MAL: variants seen among roughly 807,000 people sequenced by gnomAD.
The protein encoded by MAL is myelin and lymphocyte protein.
MAL carries 5 observed loss-of-function variants against 16.7 expected under a neutral mutation model. That is an observed-to-expected ratio of 0.30 (90% CI 0.16 to 0.63). The LOEUF (loss-of-function observed/expected upper bound fraction) is 0.63. MAL is among the 30% of genes least tolerant of loss of function. The pLI is 0.82. For synonymous variants in MAL, 96 were observed against 85.5 expected, an observed-to-expected ratio of 1.12 and a Z score of -0.67; for missense variants, 202 against 195.8, an observed-to-expected ratio of 1.03 and a Z score of -0.19.
At chr2:95,028,286 G>T (rs886984956) in intron 1 of MAL, among the ~76,000 whole-genome samples, 6 of 151,826 alleles carry the variant, frequency 4.0e-5, no homozygotes, top group Non-Finnish European at 8.8e-5. Context: ...TCATGCCGCT[G>T]CACTCCAGCC....
intron 1 of MAL, among the ~76,000 whole-genome samples, chr2:95,031,023 GC>G: frequency 6.6e-6 from 1 of 152,196 alleles, no homozygotes. Flanking sequence ...GGTGGTCCAA[GC>G]TGTGGCTGCA....
intron 1 of MAL, among the ~76,000 whole-genome samples, chr2:95,035,000 CG>C (rs1462781532): frequency 6.6e-6 from 1 of 152,154 alleles, no homozygotes; most frequent in Non-Finnish European, 1.5e-5. Flanking sequence ...GGAAGGGGCT[CG>C]GGTCTCCTCT....
chr2:95,042,444 T>C (rs918086953), intron 1 of MAL, among the ~76,000 whole-genome samples: 1 of 152,174 alleles, frequency 6.6e-6, no homozygotes, highest in Admixed American at 6.5e-5. Flanking sequence ...CCAGGTGACT[T>C]AATGTATAGT....
rs577642227 is a variant in MAL at position 95,028,238 on chromosome 2, G to A, written c.93+2353G>A. On this transcript the variant is annotated intron_variant, in intron 1 of 3. Transcript: ENST00000309988. ...CTCAGCAGGCTAAGGCATGAGCATCGCTTGAACCTGGGAGGCAGAGGTTGC... is the reference window on the plus strand; with the variant it reads ...CTCAGCAGGCTAAGGCATGAGCATCACTTGAACCTGGGAGGCAGAGGTTGC... Among the ~76,000 whole-genome samples the A allele has an allele frequency of 2.5e-4, 37 of 151,006 alleles. No homozygotes were observed. In the East Asian group the frequency reaches 4.7e-3, roughly 19 times the overall value.
chr2:95,033,430 G>C (rs1421928985), intron 1 of MAL, among the ~76,000 whole-genome samples: 1 of 152,134 alleles, frequency 6.6e-6, no homozygotes, highest in African/African-American at 2.4e-5. Flanking sequence ...TGGCGGGCCA[G>C]GGAGGGAGAA....
chr2:95,053,298 C>A, intron 3 of MAL, 83 bp from the exon 4 acceptor site: 1 of 948,118 alleles, frequency 1.1e-6, no homozygotes. Flanking sequence ...CCCCCCTACG[C>A]CACGTGGGGC....
intron 1 of MAL, among the ~76,000 whole-genome samples, chr2:95,036,294 G>A (rs571193529): frequency 6.6e-6 from 1 of 152,216 alleles, no homozygotes; most frequent in Admixed American, 6.5e-5. Flanking sequence ...AGAGAATCTC[G>A]GACCCCTCCC....
chr2:95,047,033 A>AAG, intron 1 of MAL, among the ~76,000 whole-genome samples: 1 of 151,864 alleles, frequency 6.6e-6, no homozygotes. Flanking sequence ...AAATGAAGGA[A>AAG]AGAGAGAGAG....
In MAL at chr2:95,038,194, G is replaced by C. The variant is rs541396439; in HGVS notation, c.94-9765G>C. Among the ~76,000 whole-genome samples the C allele has an allele frequency of 2.1e-4, 29 of 139,228 alleles. 1 individual carries two copies. Among genetic ancestry groups the C allele is most frequent in the African/African-American group, 6.9e-4 (25 of 36,066 alleles). 91.3% of individuals were successfully genotyped at this position (139,228 alleles called of 152,430 possible). On this transcript the variant is annotated intron_variant, in intron 1 of 3. Transcript: ENST00000309988. The stretch of plus-strand genomic sequence containing the variant: ...TGACTGAGTGACTGTGTGAGTTACT[G>C]AGTGAGTGAGTGAGTGACTCAGTGA...
chr2:95,046,558 G>A (rs367571008), intron 1 of MAL, among the ~76,000 whole-genome samples: 3 of 152,208 alleles, frequency 2.0e-5, no homozygotes, highest in Admixed American at 6.5e-5. Flanking sequence ...CATCCACGGC[G>A]AGGAGCGGGG....
intron 1 of MAL, among the ~76,000 whole-genome samples, chr2:95,029,816 T>G (rs2104328164): frequency 6.6e-6 from 1 of 152,336 alleles, no homozygotes; most frequent in African/African-American, 2.4e-5. Context: ...ATGGTCCTCC[T>G]GATTGTTTAA....
intron 1 of MAL, among the ~76,000 whole-genome samples, chr2:95,032,626 C>T (rs1674111595): frequency 6.6e-6 from 1 of 152,164 alleles, no homozygotes; most frequent in Non-Finnish European, 1.5e-5. Context: ...GTGGCCAGCT[C>T]CTTCTCACAG....
intron 1 of MAL, among the ~76,000 whole-genome samples, chr2:95,036,298 C>T (rs1257194676): frequency 2.6e-5 from 4 of 152,188 alleles, no homozygotes; most frequent in Non-Finnish European, 4.4e-5. Context: ...AATCTCGGAC[C>T]CCTCCCCCGA....
chr2:95,041,491 C>A (rs552693375), intron 1 of MAL, among the ~76,000 whole-genome samples: 2 of 152,182 alleles, frequency 1.3e-5, no homozygotes, highest in African/African-American at 2.4e-5. Context: ...ACAGAAGAGG[C>A]TGCTTCATCT....
intron 1 of MAL, among the ~76,000 whole-genome samples, chr2:95,046,564 C>T (rs1305868585): frequency 2.6e-5 from 4 of 152,186 alleles, no homozygotes; most frequent in Admixed American, 2.0e-4. Flanking sequence ...CGGCGAGGAG[C>T]GGGGCTGGGC....
At chr2:95,044,744 G>A (rs1208239561) in intron 1 of MAL, 1 of 152,268 alleles carries the variant, frequency 6.6e-6, no homozygotes, top group Non-Finnish European at 1.5e-5. Context: ...CACTGGAACA[G>A]GGCAGAGTCT....
chr2:95,048,246 A>G (rs1465821653), intron 2 of MAL, 120 bp downstream of exon 2: 4 of 1,102,598 alleles, frequency 3.6e-6, no homozygotes, highest in South Asian at 3.0e-5. Context: ...TCACCCCACC[A>G]TGTTCCAAGG....
intron 1 of MAL, among the ~76,000 whole-genome samples, chr2:95,035,072 G>T (rs569299773): frequency 1.8e-3 from 276 of 152,258 alleles, no homozygotes; most frequent in Non-Finnish European, 3.1e-3. Context: ...GCGGACAGAG[G>T]GTGAAACTGA....
At chr2:95,029,628 G>A (rs574475779) in intron 1 of MAL, among the ~76,000 whole-genome samples, 19 of 152,302 alleles carry the variant, frequency 1.2e-4, no homozygotes, top group African/African-American at 4.3e-4. Context: ...TTGGGTCACA[G>A]GGGATATGCA....
Sources: gnomAD v4.1 joint callset for allele counts (sites outside exome capture counted in the v4.1 genomes callset) on GRCh38, gnomAD v4.1.1 for gene constraint, MANE v1.5 for transcripts, NCBI Gene and HGNC (gene_info 2026-07-23, HGNC 2026-07-21) for gene names.